CACNB4: variants seen among roughly 807,000 people sequenced by gnomAD.
CACNB4 encodes the protein calcium voltage-gated channel auxiliary subunit beta 4, also known as voltage-dependent L-type calcium channel subunit beta-4.
Under a neutral mutation model 71.2 loss-of-function variants are expected in CACNB4, and 32 were observed. The ratio of observed to expected loss-of-function variants is 0.45; its 90% CI spans 0.34 to 0.60. The LOEUF is 0.60. CACNB4 is among the 20% of genes least tolerant of loss of function. CACNB4 has a pLI of 0.01. For missense variants in CACNB4, 464 were observed against 647.9 expected, an observed-to-expected ratio of 0.72 and a Z score of 3.08; for synonymous variants, 231 against 236.9, an observed-to-expected ratio of 0.97 and a Z score of 0.23.
chr2:152,090,999 G>A (rs1687940990), intron 2 of CACNB4, among the ~76,000 whole-genome samples: 1 of 151,720 alleles, frequency 6.6e-6, no homozygotes, highest in Non-Finnish European at 1.5e-5. Context: ...AGCTGAGATT[G>A]GGCCACTGCA....
At chr2:151,921,252 A>G (rs1178058021) in intron 2 of CACNB4, among the ~76,000 whole-genome samples, 1 of 152,180 alleles carries the variant, frequency 6.6e-6, no homozygotes. Flanking sequence ...ATCCCATGAA[A>G]ACAAGGCATA....
At chr2:151,893,821 A>G (rs536322232) in intron 2 of CACNB4, among the ~76,000 whole-genome samples, 39 of 152,358 alleles carry the variant, frequency 2.6e-4, no homozygotes, top group Admixed American at 1.5e-3. Flanking sequence ...ACATTGTCAC[A>G]TAAGTGACTT....
chr2:152,005,065 T>G (rs1682647604), intron 2 of CACNB4, among the ~76,000 whole-genome samples: 1 of 152,180 alleles, frequency 6.6e-6, no homozygotes, highest in Non-Finnish European at 1.5e-5. Context: ...GCTTATAAAC[T>G]GTTGGTGGGA....
At chr2:151,845,078 G>T (rs1198871776) in intron 12 of CACNB4, among the ~76,000 whole-genome samples, 1 of 152,184 alleles carries the variant, frequency 6.6e-6, no homozygotes, top group Non-Finnish European at 1.5e-5. Flanking sequence ...TTTGAATGAG[G>T]TTTATATCTA....
intron 2 of CACNB4, among the ~76,000 whole-genome samples, chr2:152,068,786 G>A (rs1468364531): frequency 1.3e-5 from 2 of 152,116 alleles, no homozygotes; most frequent in South Asian, 4.1e-4. Flanking sequence ...TATGTTTTCT[G>A]GAAGGATAGA....
At chr2:152,094,128 C>T (rs777980638) in intron 2 of CACNB4, among the ~76,000 whole-genome samples, 4 of 152,152 alleles carry the variant, frequency 2.6e-5, no homozygotes, top group African/African-American at 4.8e-5. Context: ...TAAATAAAAG[C>T]GGTGGTGCTA....
At chr2:152,035,673 G>T (rs1466158609) in intron 2 of CACNB4, among the ~76,000 whole-genome samples, 3 of 121,596 alleles carry the variant, frequency 2.5e-5, no homozygotes, top group Admixed American at 9.0e-5. Context: ...ATATATGTAT[G>T]TATGTATTAA....
intron 13 of CACNB4, among the ~76,000 whole-genome samples, chr2:151,840,900 T>A (rs752886934): frequency 6.6e-6 from 1 of 152,214 alleles, no homozygotes; most frequent in Non-Finnish European, 1.5e-5. Flanking sequence ...ACTTGATGAA[T>A]GGTAAATAAT....
At chr2:152,023,129 G>A (rs1443297792) in intron 2 of CACNB4, among the ~76,000 whole-genome samples, 2 of 151,798 alleles carry the variant, frequency 1.3e-5, no homozygotes, top group Non-Finnish European at 2.9e-5. Flanking sequence ...AGAAAGGAAG[G>A]GGGAAGAGAG....
chr2:151,973,175 T>A (rs6727592), intron 2 of CACNB4: 73,735 of 153,262 alleles, frequency 0.48, 20,722 homozygotes, highest in Non-Finnish European at 0.64. Context: ...AGCATCTGAT[T>A]TCCTTAACAA....
intron 13 of CACNB4, among the ~76,000 whole-genome samples, chr2:151,840,415 A>T (rs533336185): frequency 6.6e-6 from 1 of 152,220 alleles, no homozygotes; most frequent in East Asian, 1.9e-4. Context: ...ATGAGTCAAG[A>T]TTGTTGTATT....
intron 2 of CACNB4, among the ~76,000 whole-genome samples, chr2:151,894,964 T>C (rs1462086473): frequency 1.3e-5 from 2 of 152,082 alleles, no homozygotes; most frequent in Non-Finnish European, 2.9e-5. Context: ...GAAGAATTAA[T>C]ATCATTAAAA....
intron 2 of CACNB4, among the ~76,000 whole-genome samples, chr2:152,040,586 C>T (rs1188169380): frequency 9.9e-5 from 15 of 152,194 alleles, no homozygotes; most frequent in South Asian, 2.1e-4. Flanking sequence ...GAATTACAGG[C>T]GCACACCACC....
chr2:151,869,166 A>G lies in CACNB4; in HGVS notation c.758+11T>C, dbSNP rs759041462. 2.5e-5 allele frequency: 37 copies of G among 1,479,012 alleles called. No individual in the cohort carries two copies. The highest frequency in any genetic ancestry group is 3.3e-5 in the Non-Finnish European group (36 of 1,076,042). 91.6% of individuals were successfully genotyped at this position (1,479,012 alleles called of 1,614,324 possible). Reference sequence around the variant, plus strand: ...GGAAAATAAAAATACAAAAACATCTATATTTCTCACCTCCCATCAAACCTG... The same window carrying G: ...GGAAAATAAAAATACAAAAACATCTGTATTTCTCACCTCCCATCAAACCTG... On this transcript the variant is annotated intron_variant, in intron 9 of 13. Transcript: ENST00000539935.
At chr2:151,896,247 A>C (rs978234634) in intron 2 of CACNB4, among the ~76,000 whole-genome samples, 2 of 152,180 alleles carry the variant, frequency 1.3e-5, no homozygotes, top group Non-Finnish European at 2.9e-5. Flanking sequence ...AGTCTCCTAA[A>C]TTTGTGAAGC....
intron 2 of CACNB4, among the ~76,000 whole-genome samples, chr2:151,994,089 T>G (rs1681893538): frequency 6.6e-6 from 1 of 151,908 alleles, no homozygotes; most frequent in Non-Finnish European, 1.5e-5. Flanking sequence ...GGAGAATTGC[T>G]TTAGCCCAGG....
At chr2:151,960,195 T>G (rs952230576) in intron 2 of CACNB4, among the ~76,000 whole-genome samples, 2 of 151,510 alleles carry the variant, frequency 1.3e-5, no homozygotes, top group African/African-American at 4.9e-5. Context: ...ACCTCTCTAG[T>G]GAGTGTCTCT....
intron 2 of CACNB4, among the ~76,000 whole-genome samples, chr2:151,935,769 T>C (rs1445812772): frequency 6.6e-6 from 1 of 152,234 alleles, no homozygotes; most frequent in East Asian, 1.9e-4. Context: ...TTTGAAGAAA[T>C]AGCATTGATA....
At chr2:151,948,695 T>C (rs1346393770) in intron 2 of CACNB4, among the ~76,000 whole-genome samples, 2 of 151,682 alleles carry the variant, frequency 1.3e-5, no homozygotes, top group Admixed American at 6.6e-5. Flanking sequence ...ATGACAGATG[T>C]AATGGAAGCA....
Sources: gnomAD v4.1 joint callset for allele counts (sites outside exome capture counted in the v4.1 genomes callset) on GRCh38, gnomAD v4.1.1 for gene constraint, MANE v1.5 for transcripts, NCBI Gene and HGNC (gene_info 2026-07-23, HGNC 2026-07-21) for gene names.